The following RAB11FIP3 variants were observed in gnomAD, a reference collection of about 807,000 sequenced individuals.
RAB11FIP3 encodes RAB11 family interacting protein 3, also known as rab11 family-interacting protein 3.
A neutral mutation model predicts 77.8 loss-of-function variants in RAB11FIP3; 17 were observed. That is an observed-to-expected ratio of 0.22 (90% confidence interval 0.15 to 0.33). RAB11FIP3 has a LOEUF of 0.33. RAB11FIP3 is among the 10% of genes least tolerant of loss of function. RAB11FIP3 has a pLI of 1.00. For missense variants in RAB11FIP3, 1,005 were observed against 1,011.2 expected (o/e 0.99, Z 0.08); for synonymous variants, 437 against 448.2 (o/e 0.98, Z 0.31).
chr16:518,177 C>G (rs2032504375), intron 9 of RAB11FIP3, among the ~76,000 whole-genome samples: 2 of 152,358 alleles, frequency 1.3e-5, no homozygotes, highest in South Asian at 4.1e-4. Context: ...CTTCCAGGAT[C>G]AAGTGATCCT....
chr16:438,507 G>C (rs2055169796), intron 1 of RAB11FIP3, among the ~76,000 whole-genome samples: 1 of 148,576 alleles, frequency 6.7e-6, no homozygotes, highest in Non-Finnish European at 1.5e-5. Context: ...CAGGGTTCAA[G>C]TAATTCTCCT....
rs2029926800 is a variant in RAB11FIP3 at position 488,966 on chromosome 16, C to G, written c.1231C>G (p.Leu411Val). ...LSPETLCNGQ[L>V]GCSDPAFLTP... ...CCCAGAGACCCTATGCAACGGGCAG[C>G]TGGGCTGCAGTGACCCCGCTTTCCT... The change falls in exon 5 of 14, where the codon CTG (leucine) becomes GTG (valine). Residue 411 changes from leucine to valine, a missense_variant. Around this residue, in one of 4 missense-constraint regions of RAB11FIP3, gnomAD observed 433 missense variants for 436.1 expected, o/e 0.99. Coordinates refer to ENST00000262305, the MANE Select transcript of RAB11FIP3 (RefSeq NM_014700.4). 2.5e-6 allele frequency: 4 copies of G among 1,613,910 alleles called. No individual in the cohort carries two copies. In the Admixed American group the frequency reaches 6.7e-5, roughly 27 times the overall value.
intron 9 of RAB11FIP3, among the ~76,000 whole-genome samples, chr16:513,394 T>C (rs1202446792): frequency 6.6e-6 from 1 of 152,064 alleles, no homozygotes; most frequent in Non-Finnish European, 1.5e-5. Flanking sequence ...TAACTTTTCT[T>C]TTTTGGTAGA....
intron 1 of RAB11FIP3, among the ~76,000 whole-genome samples, chr16:447,821 G>A (rs902705161): frequency 2.0e-5 from 3 of 152,202 alleles, no homozygotes; most frequent in South Asian, 2.1e-4. Context: ...TCAGACTGTT[G>A]TCTGGTTAAT....
intron 8 of RAB11FIP3, 127 bp from the exon 9 acceptor site, chr16:510,533 C>G: frequency 9.0e-7 from 1 of 1,112,532 alleles, no homozygotes; most frequent in Non-Finnish European, 1.2e-6. Flanking sequence ...TCGGGGATGC[C>G]CTTCTCGGTG....
At position 514,017 on chromosome 16, in the gene RAB11FIP3, C is replaced by T. The variant is rs548038217; in HGVS notation, c.1640+3217C>T. Among the ~76,000 whole-genome samples, 24 of 152,330 alleles carry T rather than the reference C, an allele frequency of 1.6e-4. No individual in the cohort carries two copies. The highest frequency in any genetic ancestry group is 3.4e-3 in the Middle Eastern group (1 of 294). ...GGGCACAGCCGTGTGGACATCCTGCCGCCTCTGTGTGCTCTGGTGTGGAGG... is the reference window on the plus strand; with the variant it reads ...GGGCACAGCCGTGTGGACATCCTGCTGCCTCTGTGTGCTCTGGTGTGGAGG... On this transcript the variant is annotated intron_variant, in intron 9 of 13. Transcript: ENST00000262305. The surrounding 1 kb of genome is among the most constrained non-coding windows in gnomAD (Gnocchi z 4.6).
intron 5 of RAB11FIP3, among the ~76,000 whole-genome samples, chr16:496,616 A>T (rs1287849342): frequency 6.6e-6 from 1 of 152,172 alleles, no homozygotes; most frequent in African/African-American, 2.4e-5. Context: ...GAGTAACGAG[A>T]CGTATGCGGC....
At chr16:435,316 G>C (rs1400856342) in intron 1 of RAB11FIP3, among the ~76,000 whole-genome samples, 1 of 152,130 alleles carries the variant, frequency 6.6e-6, no homozygotes, top group Non-Finnish European at 1.5e-5. Context: ...AGGGCACCAG[G>C]CTTATGGATT....
At chr16:468,286 AGGGGCGTCAGGGAGGAGGAGGTCCT>A (rs2055751948) in intron 2 of RAB11FIP3, among the ~76,000 whole-genome samples, 1 of 29,282 alleles carries the variant, frequency 3.4e-5, no homozygotes, top group African/African-American at 1.6e-4. Flanking sequence ...GAGGAGGTGC[AGGGGCGTCAGGGAGGAGGAGGTCCT>A]GGGGCGTCAG....
Position 426,295 on chromosome 16 carries a change from C to CG in RAB11FIP3, c.294dup (p.Gln99AlafsTer29). 7.9e-7 allele frequency: 1 copy of CG among 1,261,360 alleles called. No individual in the cohort carries two copies. Among genetic ancestry groups the CG allele is most frequent in the Non-Finnish European group, 9.9e-7 (1 of 1,006,784 alleles). The allele number at this position is 1,261,360 out of a possible 1,614,324, so 78.1% of individuals were successfully genotyped here. On this transcript the variant is annotated frameshift_variant, in exon 1 of 14. Coordinates refer to ENST00000262305, the MANE Select transcript of RAB11FIP3 (RefSeq NM_014700.4). LOFTEE classifies it high-confidence loss of function. This position sits in a 1 kb window ranked among gnomAD's most constrained non-coding sequence, Gnocchi z 5.0. Reference sequence around the variant, plus strand: ...CGCCCCGCCGCCGCGCTCCGGCCCGCGGGGGCAGCTTGCGAGCCCCGACGC... The same window carrying CG: ...CGCCCCGCCGCCGCGCTCCGGCCCGCGGGGGGCAGCTTGCGAGCCCCGACGC...
intron 9 of RAB11FIP3, among the ~76,000 whole-genome samples, chr16:511,885 G>A (rs1464120188): frequency 7.5e-6 from 1 of 132,976 alleles, no homozygotes; most frequent in African/African-American, 3.0e-5. Flanking sequence ...TTCCCTGATG[G>A]CCCGCCCACC....
At chr16:495,689 G>A (rs2031062780) in intron 5 of RAB11FIP3, among the ~76,000 whole-genome samples, 1 of 152,194 alleles carries the variant, frequency 6.6e-6, no homozygotes. Context: ...TAAAAAGGAT[G>A]GACTTAGAGC....
chr16:492,003 G>C (rs1301055929), intron 5 of RAB11FIP3, among the ~76,000 whole-genome samples: 1 of 152,194 alleles, frequency 6.6e-6, no homozygotes, highest in Non-Finnish European at 1.5e-5. Context: ...GGTTTGTAAA[G>C]GTGGCAGAAA....
At chr16:473,089 G>A (rs867377277) in intron 3 of RAB11FIP3, among the ~76,000 whole-genome samples, 2 of 152,200 alleles carry the variant, frequency 1.3e-5, no homozygotes, top group East Asian at 1.9e-4. Flanking sequence ...ATAAACTGGT[G>A]TTTCTTCACG....
intron 1 of RAB11FIP3, among the ~76,000 whole-genome samples, chr16:449,349 C>T (rs1001693941): frequency 1.3e-5 from 2 of 152,174 alleles, no homozygotes; most frequent in African/African-American, 4.8e-5. Context: ...ACTGAGGACC[C>T]TGTTTGCTGG....
chr16:453,920 CAG>C (rs1279460301), intron 1 of RAB11FIP3, among the ~76,000 whole-genome samples: 13 of 144,768 alleles, frequency 9.0e-5, no homozygotes, highest in Non-Finnish European at 3.0e-5. Context: ...GTACTTCAAA[CAG>C]AAAAACTGAG....
At position 503,074 on chromosome 16, in the gene RAB11FIP3, C is replaced by G; in HGVS notation, c.1372C>G (p.Pro458Ala). 1.9e-6 allele frequency: 3 copies of G among 1,612,672 alleles called. No homozygotes were observed. Among genetic ancestry groups the G allele is most frequent in the Non-Finnish European group, 2.5e-6 (3 of 1,179,398 alleles). The stretch of plus-strand genomic sequence containing the variant: ...CCCTTCCCCCGAGCTCATGGAGGGC[C>G]CAGAGGAGGACATTGCTGACAAGGT... ...EDPSPELMEG[P>A]EEDIADKVVF... The change falls in exon 7 of 14, where the codon CCA (proline) becomes GCA (alanine). Residue 458 changes from proline (P) to alanine (A), a missense_variant. Coordinates refer to ENST00000262305, the MANE Select transcript of RAB11FIP3 (RefSeq NM_014700.4).
chr16:441,991 A>G (rs62033163), intron 1 of RAB11FIP3, among the ~76,000 whole-genome samples: 1 of 152,182 alleles, frequency 6.6e-6, no homozygotes, highest in African/African-American at 2.4e-5. Flanking sequence ...GGCACCCGCC[A>G]CCACGCCTGG....
At chr16:516,156 C>G (rs2032406077) in intron 9 of RAB11FIP3, among the ~76,000 whole-genome samples, 1 of 152,222 alleles carries the variant, frequency 6.6e-6, no homozygotes, top group South Asian at 2.1e-4. Context: ...AGAGCAAGTC[C>G]CCTCCTGGGT....
Sources: gnomAD v4.1 joint callset for allele counts (sites outside exome capture counted in the v4.1 genomes callset) on GRCh38, gnomAD v4.1.1 for gene constraint, gnomAD v4.1.1 regional missense constraint, Gnocchi (gnomAD v3.1) non-coding constraint, MANE v1.5 for transcripts, NCBI Gene and HGNC (gene_info 2026-07-23, HGNC 2026-07-21) for gene names.